The following WWC2 variants were observed in gnomAD, a reference collection of about 807,000 sequenced individuals.
WWC2 encodes the protein WW and C2 domain containing 2.
In WWC2, 101 loss-of-function variants were observed where a neutral mutation model predicts 138.5. The observed-to-expected ratio is 0.73, with a 90% CI of 0.62 to 0.86. WWC2 has a LOEUF of 0.86. Among genes scored for constraint, WWC2 ranks in the 40% least tolerant of loss-of-function variants. The pLI, the probability that WWC2 is intolerant of heterozygous loss-of-function variation, is 0.00. For missense variants in WWC2, 1,420 were observed against 1,419.4 expected (o/e 1.00, Z -0.01); for synonymous variants, 558 against 538.4 (o/e 1.04, Z -0.50).
At chr4:183,162,509 A>G (rs1733990434) in intron 1 of WWC2, among the ~76,000 whole-genome samples, 1 of 152,022 alleles carries the variant, frequency 6.6e-6, no homozygotes, top group African/African-American at 2.4e-5. Context: ...AAACATCACC[A>G]TCGTTTTATT....
chr4:183,113,709 C>CT (rs1378985764), intron 1 of WWC2, among the ~76,000 whole-genome samples: 1 of 150,592 alleles, frequency 6.6e-6, no homozygotes, highest in African/African-American at 2.4e-5. Context: ...TTCTTTTTTT[C>CT]TTTTTAAAGA....
At chr4:183,194,727 C>G (rs1735087088) in intron 2 of WWC2, among the ~76,000 whole-genome samples, 1 of 152,162 alleles carries the variant, frequency 6.6e-6, no homozygotes, top group African/African-American at 2.4e-5. Flanking sequence ...CACCATCTTC[C>G]AGGCGGGTGA....
At chr4:183,189,385 C>G (rs1734923620) in intron 1 of WWC2, among the ~76,000 whole-genome samples, 1 of 149,856 alleles carries the variant, frequency 6.7e-6, no homozygotes, top group African/African-American at 2.5e-5. Context: ...TGCAGTGAGC[C>G]GAGATCGCGC....
intron 4 of WWC2, among the ~76,000 whole-genome samples, chr4:183,221,663 A>C (rs1580073253): frequency 6.6e-6 from 1 of 152,334 alleles, no homozygotes; most frequent in South Asian, 2.1e-4. Flanking sequence ...TGGCCAAAGA[A>C]GAGAGCTCAT....
intron 5 of WWC2, 40 bp from the exon 6 acceptor site, chr4:183,245,376 C>T (rs1424189845): frequency 6.9e-7 from 1 of 1,457,784 alleles, no homozygotes; most frequent in Non-Finnish European, 9.0e-7. Context: ...TATATGCTAT[C>T]ATTCTTTGAT....
At chr4:183,290,514 C>A (rs1317894148) in intron 21 of WWC2, among the ~76,000 whole-genome samples, 25 of 143,386 alleles carry the variant, frequency 1.7e-4, no homozygotes, top group Admixed American at 4.8e-4. Context: ...GAGACTCCAT[C>A]TCAAAAAAAA....
In WWC2 at chr4:183,320,558, A is replaced by AC; in HGVS notation, c.*4831dup. The AC allele has an allele frequency of 3.5e-6, 1 of 282,794 alleles. No individual in the cohort carries two copies. The highest frequency in any genetic ancestry group is 2.2e-5 in the African/African-American group (1 of 45,480). 17.5% of individuals were successfully genotyped at this position (282,794 alleles called of 1,614,324 possible). A position where few individuals can be genotyped will look rare whatever the true frequency, so the allele number is the denominator to read the frequency against. On this transcript the variant is annotated 3_prime_UTR_variant, in exon 23 of 23. Coordinates refer to ENST00000403733, the MANE Select transcript of WWC2 (RefSeq NM_024949.6). ...TAAAATGGCTTTCATGTTATTCCCAACCTTTCTAACAAAGAATTAAGTCTA... is the reference window on the plus strand; with the variant it reads ...TAAAATGGCTTTCATGTTATTCCCAACCCTTTCTAACAAAGAATTAAGTCTA...
chr4:183,135,228 C>G (rs1163600621), intron 1 of WWC2, among the ~76,000 whole-genome samples: 2 of 152,082 alleles, frequency 1.3e-5, no homozygotes, highest in Non-Finnish European at 2.9e-5. Flanking sequence ...TGATCTTTAT[C>G]TTTTAACTGG....
At chr4:183,135,263 A>G (rs955120543) in intron 1 of WWC2, among the ~76,000 whole-genome samples, 4 of 152,034 alleles carry the variant, frequency 2.6e-5, no homozygotes, top group Non-Finnish European at 4.4e-5. Context: ...ATTTATTGTA[A>G]TTATTACTGT....
At chr4:183,242,729 A>G (rs1387378016) in intron 5 of WWC2, among the ~76,000 whole-genome samples, 1 of 152,210 alleles carries the variant, frequency 6.6e-6, no homozygotes, top group Non-Finnish European at 1.5e-5. Context: ...TAATATATTG[A>G]GTGAAAATTA....
chr4:183,301,878 A>G (rs1428605246), intron 21 of WWC2, among the ~76,000 whole-genome samples: 2 of 152,300 alleles, frequency 1.3e-5, no homozygotes, highest in South Asian at 4.2e-4. Flanking sequence ...TTTTTATGCA[A>G]CATGTGTGTT....
At chr4:183,286,196 C>CA (rs1738244411) in intron 20 of WWC2, 137 bp downstream of exon 20, 1 of 771,728 alleles carries the variant, frequency 1.3e-6, no homozygotes, top group Non-Finnish European at 2.2e-6. Flanking sequence ...CACTGGGATA[C>CA]ACAGAGACGC....
chr4:183,193,741 T>G, intron 2 of WWC2, 33 bp downstream of exon 2: 1 of 1,537,128 alleles, frequency 6.5e-7, no homozygotes, highest in South Asian at 1.2e-5. Context: ...AGCAAACATA[T>G]CAGAAAAGTA....
At chr4:183,117,513 GC>G (rs771102843) in intron 1 of WWC2, among the ~76,000 whole-genome samples, 7 of 152,008 alleles carry the variant, frequency 4.6e-5, no homozygotes, top group Non-Finnish European at 7.4e-5. Flanking sequence ...GAGCCACTGT[GC>G]CCGGCCACGT....
chr4:183,167,958 C>T (rs190748129), intron 1 of WWC2, among the ~76,000 whole-genome samples: 39 of 150,620 alleles, frequency 2.6e-4, no homozygotes, highest in African/African-American at 6.4e-4. Context: ...TGGGTTCAAG[C>T]GATTCTCCTG....
At chr4:183,230,790 AAAGT>A (rs1426230182) in intron 4 of WWC2, among the ~76,000 whole-genome samples, 4 of 151,724 alleles carry the variant, frequency 2.6e-5, no homozygotes, top group South Asian at 2.1e-4. Context: ...CATTGACTCA[AAAGT>A]AAGAAGAGAA....
In WWC2 at chr4:183,318,722, T is replaced by C. The variant is rs191914145; in HGVS notation, c.*2993T>C. 1.3e-5 allele frequency: 2 copies of C among 152,222 alleles called. No homozygotes were observed. Among genetic ancestry groups the C allele is most frequent in the Non-Finnish European group, 2.9e-5 (2 of 68,044 alleles). 9.4% of individuals were successfully genotyped at this position (152,222 alleles called of 1,614,324 possible). A position where few individuals can be genotyped will look rare whatever the true frequency, so the allele number is the denominator to read the frequency against. ...GATAAAAAAGGACGAAGTATTTTCA[T>C]TGAGCAAATAAAATGAAGGGCTCCA... On this transcript the variant is annotated 3_prime_UTR_variant, in exon 23 of 23. Transcript: ENST00000403733.
At position 183,319,316 on chromosome 4, in the gene WWC2, A is replaced by G; in HGVS notation, c.*3587A>G. 1 of 447,974 alleles carries G rather than the reference A, an allele frequency of 2.2e-6. No homozygotes were observed. The highest frequency in any genetic ancestry group is 3.9e-6 in the Non-Finnish European group (1 of 256,174). The allele number at this position is 447,974 out of a possible 1,614,324, so 27.7% of individuals were successfully genotyped here. ...ACTTCTGTGCAATCGCTATTTTAAA[A>G]TTGAGAAAACTCATCCACAGTAATG... On this transcript the variant is annotated 3_prime_UTR_variant, in exon 23 of 23. Transcript: ENST00000403733.
At chr4:183,232,271 T>G (rs975323847) in intron 4 of WWC2, among the ~76,000 whole-genome samples, 1 of 152,224 alleles carries the variant, frequency 6.6e-6, no homozygotes, top group African/African-American at 2.4e-5. Flanking sequence ...ACAGCTTTAT[T>G]AAGAAACCAT....
Sources: gnomAD v4.1 joint callset for allele counts (sites outside exome capture counted in the v4.1 genomes callset) on GRCh38, gnomAD v4.1.1 for gene constraint, MANE v1.5 for transcripts, NCBI Gene and HGNC (gene_info 2026-07-23, HGNC 2026-07-21) for gene names.